Variants in FILIP1L observed in about 807,000 individuals in gnomAD.
The protein encoded by FILIP1L is filamin A-interacting protein 1-like.
In FILIP1L, 55 loss-of-function variants were observed where a neutral mutation model predicts 96.6. That is an observed-to-expected ratio of 0.57 (90% CI 0.46 to 0.71). The LOEUF is 0.71. Ranked by LOEUF, FILIP1L falls within the 30% of genes least tolerant of loss-of-function variation. FILIP1L has a pLI of 0.00. For missense variants in FILIP1L, 1,304 were observed against 1,321.2 expected, an observed-to-expected ratio of 0.99 and a Z score of 0.20; for synonymous variants, 467 against 473.9, an observed-to-expected ratio of 0.99 and a Z score of 0.19.
At chr3:99,882,278 G>T (rs1195455644) in intron 4 of FILIP1L, among the ~76,000 whole-genome samples, 1 of 152,130 alleles carries the variant, frequency 6.6e-6, no homozygotes, top group East Asian at 1.9e-4. Context: ...TATTTATGTA[G>T]TTAATTGCTT....
chr3:99,970,933 T>G (rs1452261888), intron 1 of FILIP1L, among the ~76,000 whole-genome samples: 1 of 152,190 alleles, frequency 6.6e-6, no homozygotes, highest in Admixed American at 6.5e-5. Flanking sequence ...GTTGCAGTCA[T>G]TCATGTGAAG....
intron 4 of FILIP1L, among the ~76,000 whole-genome samples, chr3:99,866,664 T>C (rs1944537767): frequency 6.6e-6 from 1 of 152,154 alleles, no homozygotes; most frequent in African/African-American, 2.4e-5. Context: ...GTGGCTTGGC[T>C]TCCTGCTGAG....
At chr3:99,949,135 T>C (rs1349020286) in intron 1 of FILIP1L, among the ~76,000 whole-genome samples, 1 of 152,166 alleles carries the variant, frequency 6.6e-6, no homozygotes, top group African/African-American at 2.4e-5. Context: ...CAGGATAAAG[T>C]TCCCAAAAAT....
chr3:99,930,103 T>C, intron 2 of FILIP1L, 74 bp from the exon 3 acceptor site: 1 of 1,226,314 alleles, frequency 8.2e-7, no homozygotes, highest in Non-Finnish European at 1.1e-6. Flanking sequence ...TTTGTGATAG[T>C]TGGCAGTGCT....
rs550089172 is a variant in FILIP1L at position 99,948,341 on chromosome 3, A to C, written c.-10-17311T>G. Among the ~76,000 whole-genome samples the C allele has an allele frequency of 2.6e-5, 4 of 152,148 alleles. No individual in the cohort carries two copies. The South Asian group carries it at 8.3e-4, about 32-fold the overall frequency. ...GACTGTCTCTCCAAAAAAATAAAAA[A>C]ATTAAAAAATTTTTTAAAAATTAAG... On this transcript the variant is annotated intron_variant, in intron 1 of 5. Coordinates refer to ENST00000477258, the MANE Select transcript of FILIP1L (RefSeq NM_001387850.1).
chr3:99,983,464 G>GTATGTGTATATATATATATATATA (rs1709219766), intron 1 of FILIP1L, among the ~76,000 whole-genome samples: 1 of 12,676 alleles, frequency 7.9e-5, no homozygotes, highest in Non-Finnish European at 1.7e-4. Flanking sequence ...ATATATGTGT[G>GTATGTGTATATATATATATATATA]TATATATATA....
At chr3:99,992,014 A>G (rs142713139) in intron 1 of FILIP1L, among the ~76,000 whole-genome samples, 2,175 of 148,672 alleles carry the variant, frequency 0.015, 43 homozygotes, top group African/African-American at 0.049. Flanking sequence ...GTGTGTGTGT[A>G]TATATATATA....
At chr3:99,985,693 A>G (rs948313646) in intron 1 of FILIP1L, among the ~76,000 whole-genome samples, 4 of 151,898 alleles carry the variant, frequency 2.6e-5, no homozygotes, top group Non-Finnish European at 4.4e-5. Context: ...GGTTCAAGCA[A>G]TTCTCCTGCC....
intron 1 of FILIP1L, among the ~76,000 whole-genome samples, chr3:100,065,668 T>A (rs1299295039): frequency 7.5e-6 from 1 of 133,510 alleles, no homozygotes; most frequent in East Asian, 2.4e-4. Flanking sequence ...ATTATAAAGC[T>A]GAGGTGCAAA....
At chr3:99,905,980 C>A (rs1295796849) in intron 4 of FILIP1L, among the ~76,000 whole-genome samples, 1 of 152,134 alleles carries the variant, frequency 6.6e-6, no homozygotes, top group Admixed American at 6.5e-5. Context: ...ATCACTTGAA[C>A]TTAGAAGTTC....
At chr3:100,040,176 C>T (rs2065179873) in intron 1 of FILIP1L, 1 of 151,968 alleles carries the variant, frequency 6.6e-6, no homozygotes, top group South Asian at 2.1e-4. Flanking sequence ...GAAGTAGGAA[C>T]CTAAGACAAT....
chr3:99,991,890 ATG>A (rs1195158383), intron 1 of FILIP1L, among the ~76,000 whole-genome samples: 1 of 148,950 alleles, frequency 6.7e-6, no homozygotes, highest in Non-Finnish European at 1.5e-5. Context: ...ATATGTATAT[ATG>A]TGTGTATATA....
chr3:100,111,527 A>G (rs771759881), intron 1 of FILIP1L, among the ~76,000 whole-genome samples: 1 of 152,202 alleles, frequency 6.6e-6, no homozygotes, highest in East Asian at 1.9e-4. Context: ...CCTTGTAGGT[A>G]TAAATGACAT....
intron 5 of FILIP1L, among the ~76,000 whole-genome samples, chr3:99,839,917 T>A (rs1329710315): frequency 6.6e-6 from 1 of 152,124 alleles, no homozygotes; most frequent in Admixed American, 6.5e-5. Flanking sequence ...TATATAAGAG[T>A]GGAACTCTTA....
intron 4 of FILIP1L, among the ~76,000 whole-genome samples, chr3:99,869,401 A>G (rs1299673522): frequency 2.0e-5 from 3 of 152,216 alleles, no homozygotes; most frequent in Non-Finnish European, 4.4e-5. Flanking sequence ...CTCAAGAATA[A>G]TATGCGACTT....
intron 1 of FILIP1L, among the ~76,000 whole-genome samples, chr3:100,019,813 TC>T (rs1362502375): frequency 1.3e-5 from 2 of 152,186 alleles, no homozygotes; most frequent in African/African-American, 2.4e-5. Context: ...CATATTGTCA[TC>T]CAACTTCATG....
rs76949517 is a variant in FILIP1L at position 99,874,021 on chromosome 3, G to A, written c.606-22951C>T. Reference sequence around the variant, plus strand: ...TGCTCATCCAAAGAGCCCAGTGTGAGATAGGGTATCCATGATAAGTCATAC... The same window carrying A: ...TGCTCATCCAAAGAGCCCAGTGTGAAATAGGGTATCCATGATAAGTCATAC... On this transcript the variant is annotated intron_variant, in intron 4 of 5. Coordinates refer to ENST00000477258, the MANE Select transcript of FILIP1L (RefSeq NM_001387850.1). Among the ~76,000 whole-genome samples, 687 of 152,346 alleles carry A rather than the reference G, an allele frequency of 4.5e-3. 7 individuals carry two copies. The highest frequency in any genetic ancestry group is 0.016 in the African/African-American group (673 of 41,580).
chr3:99,929,668 G>T (rs570991478), intron 3 of FILIP1L, among the ~76,000 whole-genome samples, 188 bp downstream of exon 3: 1 of 152,260 alleles, frequency 6.6e-6, no homozygotes, highest in Admixed American at 6.5e-5. Flanking sequence ...CCTAGTGGAC[G>T]CATCCTGTCT....
chr3:100,090,869 C>G (rs2066091728), intron 1 of FILIP1L, among the ~76,000 whole-genome samples: 1 of 152,132 alleles, frequency 6.6e-6, no homozygotes, highest in Admixed American at 6.5e-5. Context: ...TTCATTCCAT[C>G]CCATGTAGTC....
Sources: allele counts gnomAD v4.1 joint callset (sites outside exome capture counted in the v4.1 genomes callset), GRCh38; gene constraint gnomAD v4.1.1; transcripts MANE v1.5; gene names NCBI Gene and HGNC (gene_info 2026-07-23, HGNC 2026-07-21).